The following CNTNAP2 variants were observed in gnomAD, a reference collection of about 807,000 sequenced individuals.
CNTNAP2 encodes contactin associated protein 2, also known as contactin-associated protein-like 2.
Under a neutral mutation model 155.2 loss-of-function variants are expected in CNTNAP2, and 98 were observed. The ratio of observed to expected loss-of-function variants is 0.63; its 90% CI spans 0.54 to 0.75. The LOEUF is 0.75. Among genes scored for constraint, CNTNAP2 ranks in the 30% least tolerant of loss-of-function variants. The pLI is 0.00. For missense variants in CNTNAP2, 1,727 were observed against 1,688.1 expected (o/e 1.02, Z -0.40); for synonymous variants, 651 against 631.2 (o/e 1.03, Z -0.47).
rs922419221 is a variant in CNTNAP2, at chr7:147,554,038, AG to A, written c.1778-8099del. Among the ~76,000 whole-genome samples, 542 of 152,336 alleles carry A rather than the reference AG, an allele frequency of 3.6e-3. 6 individuals carry two copies. Among genetic ancestry groups the A allele is most frequent in the African/African-American group, 0.012 (507 of 41,586 alleles). The stretch of plus-strand genomic sequence containing the variant: ...GAGACTCAGGAGATGCAGCAACATA[AG>A]CAACCTCTATAGGATCTGAGCAAGA... On this transcript the variant is annotated intron_variant, in intron 11 of 23. Transcript: ENST00000361727.
chr7:146,959,407 C>T (rs559199278), intron 3 of CNTNAP2, among the ~76,000 whole-genome samples: 11 of 151,864 alleles, frequency 7.2e-5, no homozygotes, highest in African/African-American at 2.7e-4. Context: ...AAGATGACAC[C>T]GTAAAATTAT....
intron 13 of CNTNAP2, among the ~76,000 whole-genome samples, chr7:147,721,022 GTATT>G (rs373521788): frequency 5.1e-4 from 78 of 152,158 alleles, no homozygotes; most frequent in African/African-American, 1.6e-3. Flanking sequence ...AATTCAACAA[GTATT>G]TATGCAGTGC....
At chr7:148,412,303 G>C (rs988144850) in intron 23 of CNTNAP2, among the ~76,000 whole-genome samples, 1 of 152,216 alleles carries the variant, frequency 6.6e-6, no homozygotes, top group Non-Finnish European at 1.5e-5. Flanking sequence ...GGCCAGGCGC[G>C]GTGGCGCACG....
intron 4 of CNTNAP2, among the ~76,000 whole-genome samples, chr7:147,104,117 T>C (rs1026281130): frequency 6.6e-6 from 1 of 152,088 alleles, no homozygotes; most frequent in Non-Finnish European, 1.5e-5. Flanking sequence ...ATGTGCCAGG[T>C]TATATAAAAT....
At chr7:146,508,796 C>T (rs2129134806) in intron 1 of CNTNAP2, among the ~76,000 whole-genome samples, 1 of 152,340 alleles carries the variant, frequency 6.6e-6, no homozygotes, top group South Asian at 2.1e-4. Flanking sequence ...ATTGCCTCCA[C>T]AAAGTTAACA....
intron 15 of CNTNAP2, among the ~76,000 whole-genome samples, chr7:148,106,509 T>TCTC (rs1804224249): frequency 6.8e-6 from 1 of 146,340 alleles, no homozygotes; most frequent in African/African-American, 2.6e-5. Context: ...TATATATATA[T>TCTC]ATATATATAT....
chr7:148,167,649 G>A (rs748938781), intron 17 of CNTNAP2, among the ~76,000 whole-genome samples: 9 of 152,178 alleles, frequency 5.9e-5, no homozygotes, highest in Non-Finnish European at 1.2e-4. Context: ...ATTCAGAGCT[G>A]GAAGGAGTCA....
intron 1 of CNTNAP2, among the ~76,000 whole-genome samples, chr7:146,772,253 A>G (rs1279621903): frequency 6.6e-6 from 1 of 152,106 alleles, no homozygotes; most frequent in Admixed American, 6.6e-5. Context: ...TGGGTGAACT[A>G]GCAAACCCTG....
intron 1 of CNTNAP2, among the ~76,000 whole-genome samples, chr7:146,386,362 A>G (rs1563064453): frequency 6.6e-6 from 1 of 152,032 alleles, no homozygotes; most frequent in African/African-American, 2.4e-5. Context: ...GTAACTTCAC[A>G]TTATGTTTTA....
At chr7:148,194,136 A>AGTGTGTGTGTGT (rs5888309) in intron 18 of CNTNAP2, among the ~76,000 whole-genome samples, 4 of 141,886 alleles carry the variant, frequency 2.8e-5, no homozygotes, top group East Asian at 2.1e-4. Context: ...ATGCCTGGCT[A>AGTGTGTGTGTGT]GTGTGTGTGT....
rs113878479 is a variant in CNTNAP2 at position 147,418,861 on chromosome 7, G to C, written c.1670+23081G>C. Among the ~76,000 whole-genome samples the C allele has an allele frequency of 2.6e-5, 4 of 152,294 alleles. 1 individual carries two copies. Among genetic ancestry groups the C allele is most frequent in the African/African-American group, 9.6e-5 (4 of 41,558 alleles). On this transcript the variant is annotated intron_variant, in intron 10 of 23. Transcript: ENST00000361727. ...AGGTAAGTAAAAAGCTTTAGGTAAT[G>C]TCTTCAAGCCTCGAAGCACCAGCTT...
chr7:146,555,758 C>T (rs1489998165), intron 1 of CNTNAP2, among the ~76,000 whole-genome samples: 1 of 152,190 alleles, frequency 6.6e-6, no homozygotes, highest in Non-Finnish European at 1.5e-5. Context: ...GGTAGAAAAA[C>T]AGAGCCTTTG....
chr7:147,011,279 T>C (rs1798617809), intron 3 of CNTNAP2, among the ~76,000 whole-genome samples: 1 of 151,684 alleles, frequency 6.6e-6, no homozygotes, highest in Admixed American at 6.6e-5. Flanking sequence ...CTTGACGTGG[T>C]GACACATGCC....
chr7:147,744,676 G>A (rs1452158344), intron 13 of CNTNAP2, among the ~76,000 whole-genome samples: 3 of 152,178 alleles, frequency 2.0e-5, no homozygotes, highest in Admixed American at 1.3e-4. Flanking sequence ...CCTCAGGGTT[G>A]TTTTCTGGTG....
Position 146,680,225 on chromosome 7 carries a change from A to G in CNTNAP2, c.98-94046A>G, listed in dbSNP as rs143470853. ...AGTTCGTTTGTGAGCAATAGAATCA[A>G]GATTCAAACCTAGACTTTTGGATTA... On this transcript the variant is annotated intron_variant, in intron 1 of 23. Coordinates refer to ENST00000361727, the MANE Select transcript of CNTNAP2 (RefSeq NM_014141.6). Among the ~76,000 whole-genome samples, 19 of 152,330 alleles carry G rather than the reference A, an allele frequency of 1.2e-4. No homozygotes were observed. The East Asian group carries it at 3.7e-3, about 29-fold the overall frequency.
chr7:147,625,909 G>A (rs1427055202), intron 12 of CNTNAP2, among the ~76,000 whole-genome samples: 2 of 152,154 alleles, frequency 1.3e-5, no homozygotes, highest in Admixed American at 6.5e-5. Flanking sequence ...TGAGATTATG[G>A]AAGAAGGATT....
At chr7:146,308,863 A>T (rs1359398552) in intron 1 of CNTNAP2, among the ~76,000 whole-genome samples, 2 of 152,154 alleles carry the variant, frequency 1.3e-5, no homozygotes, top group Non-Finnish European at 2.9e-5. Context: ...GCATTAGGAG[A>T]TATACCTAAT....
chr7:146,430,433 T>A (rs1450346234), intron 1 of CNTNAP2, among the ~76,000 whole-genome samples: 2 of 152,186 alleles, frequency 1.3e-5, no homozygotes, highest in Middle Eastern at 3.4e-3. Flanking sequence ...TGTAATATAA[T>A]CTACCTTTCA....
intron 1 of CNTNAP2, among the ~76,000 whole-genome samples, chr7:146,725,746 C>T (rs772276832): frequency 7.2e-5 from 11 of 152,086 alleles, no homozygotes; most frequent in East Asian, 5.8e-4. Flanking sequence ...GACCCCACCC[C>T]GAGGGACTCA....
Sources: gnomAD v4.1 joint callset for allele counts (sites outside exome capture counted in the v4.1 genomes callset) on GRCh38, gnomAD v4.1.1 for gene constraint, MANE v1.5 for transcripts, NCBI Gene and HGNC (gene_info 2026-07-23, HGNC 2026-07-21) for gene names.